SLCO1B3: variants seen among roughly 807,000 people sequenced by gnomAD.
SLCO1B3 encodes the protein solute carrier organic anion transporter family member 1B3.
In SLCO1B3, 72 loss-of-function variants were observed where a neutral mutation model predicts 71.8. That is an observed-to-expected ratio of 1.00 (90% CI 0.83 to 1.22). The LOEUF (loss-of-function observed/expected upper bound fraction) is 1.22, where lower values mean the gene tolerates loss of function less well. Among genes scored for constraint, SLCO1B3 ranks in the 50% most tolerant of loss-of-function variants. The pLI, the probability that SLCO1B3 is intolerant of heterozygous loss-of-function variation, is 0.00. For synonymous variants in SLCO1B3, 298 were observed against 278.4 expected, an observed-to-expected ratio of 1.07 and a Z score of -0.70; for missense variants, 911 against 819.7, an observed-to-expected ratio of 1.11 and a Z score of -1.36.
intron 3 of SLCO1B3, among the ~76,000 whole-genome samples, chr12:20,840,466 A>C (rs1051407988): frequency 3.4e-5 from 5 of 148,942 alleles, no homozygotes; most frequent in African/African-American, 1.3e-4. Context: ...ATCTTAGCTC[A>C]CTACAGCCTC....
chr12:20,852,131 C>T (rs1231849195), intron 3 of SLCO1B3, among the ~76,000 whole-genome samples: 1 of 152,130 alleles, frequency 6.6e-6, no homozygotes, highest in African/African-American at 2.4e-5. Context: ...TTTGGCTACG[C>T]AGGGTGCCTT....
chr12:20,824,785 A>G (rs1864386943), intron 3 of SLCO1B3, among the ~76,000 whole-genome samples: 1 of 152,138 alleles, frequency 6.6e-6, no homozygotes, highest in Non-Finnish European at 1.5e-5. Context: ...TCTCTTTTGG[A>G]CTTCCGGTGA....
intron 3 of SLCO1B3, among the ~76,000 whole-genome samples, chr12:20,821,844 G>T (rs1864317260): frequency 6.6e-6 from 1 of 152,326 alleles, no homozygotes; most frequent in South Asian, 2.1e-4. Context: ...AGGGAAGGCT[G>T]CCTTCCCAGT....
At chr12:20,914,709 A>C (rs1157745514) in intron 15 of SLCO1B3, among the ~76,000 whole-genome samples, 1 of 152,136 alleles carries the variant, frequency 6.6e-6, no homozygotes, top group Non-Finnish European at 1.5e-5. Context: ...CTGGCAAAAC[A>C]GTCCCTCAAT....
intron 9 of SLCO1B3, among the ~76,000 whole-genome samples, chr12:20,877,340 A>G (rs1865602632): frequency 6.6e-6 from 1 of 152,204 alleles, no homozygotes; most frequent in East Asian, 1.9e-4. Context: ...TATAGTCAGA[A>G]AAAAAATTAG....
chr12:20,828,500 G>A (rs1864473581), intron 3 of SLCO1B3, among the ~76,000 whole-genome samples: 1 of 152,006 alleles, frequency 6.6e-6, no homozygotes, highest in African/African-American at 2.4e-5. Context: ...GTGGAGGGTG[G>A]CAAGAAGAAG....
At chr12:20,850,134 C>T (rs1341977927) in intron 3 of SLCO1B3, among the ~76,000 whole-genome samples, 1 of 142,746 alleles carries the variant, frequency 7.0e-6, no homozygotes, top group Non-Finnish European at 1.5e-5. Context: ...GAAAAAATAA[C>T]AAAGTTGGAA....
At chr12:20,901,545 G>A in intron 15 of SLCO1B3, 78 bp downstream of exon 15, 2 of 713,762 alleles carry the variant, frequency 2.8e-6, no homozygotes, top group Non-Finnish European at 4.7e-6. Flanking sequence ...CATTTTTAGT[G>A]TGATCGTAAT....
chr12:20,899,089 G>C (rs959630969), intron 14 of SLCO1B3, among the ~76,000 whole-genome samples: 1 of 152,196 alleles, frequency 6.6e-6, no homozygotes, highest in African/African-American at 2.4e-5. Context: ...AGAAAGCTCA[G>C]AAAATTGTGG....
intron 3 of SLCO1B3, among the ~76,000 whole-genome samples, chr12:20,824,892 T>C (rs1023441928): frequency 1.3e-5 from 2 of 152,166 alleles, no homozygotes; most frequent in Admixed American, 1.3e-4. Context: ...CTTAATATGA[T>C]AATATAGGCT....
chr12:20,907,036 T>C (rs2120421832), intron 15 of SLCO1B3, among the ~76,000 whole-genome samples: 1 of 152,250 alleles, frequency 6.6e-6, no homozygotes, highest in South Asian at 2.1e-4. Flanking sequence ...GGAAAAATCT[T>C]TTTACTTACT....
At chr12:20,874,363 G>A (rs1021383908) in intron 8 of SLCO1B3, among the ~76,000 whole-genome samples, 1 of 152,066 alleles carries the variant, frequency 6.6e-6, no homozygotes, top group Non-Finnish European at 1.5e-5. Flanking sequence ...TATGTATCTG[G>A]TTTTGTACTT....
At chr12:20,851,815 T>C (rs1463209868) in intron 3 of SLCO1B3, among the ~76,000 whole-genome samples, 1 of 152,196 alleles carries the variant, frequency 6.6e-6, no homozygotes, top group Non-Finnish European at 1.5e-5. Context: ...TTAATCCCAT[T>C]TTGAGTTAGT....
chr12:20,900,475 T>C (rs943823040), intron 14 of SLCO1B3, among the ~76,000 whole-genome samples: 6 of 152,164 alleles, frequency 3.9e-5, no homozygotes, highest in African/African-American at 1.2e-4. Flanking sequence ...TTCTTAAAAC[T>C]AGGAGTTAAT....
intron 8 of SLCO1B3, among the ~76,000 whole-genome samples, chr12:20,866,805 A>G (rs543702088): frequency 6.6e-6 from 1 of 152,180 alleles, no homozygotes; most frequent in South Asian, 2.1e-4. Context: ...AGGAAGGGAT[A>G]GGCTAACGCT....
intron 6 of SLCO1B3, among the ~76,000 whole-genome samples, chr12:20,861,471 C>G (rs573037618): frequency 1.3e-4 from 19 of 146,170 alleles, no homozygotes; most frequent in African/African-American, 4.7e-4. Context: ...TATGAGTTGT[C>G]CTAGAACAAA....
chr12:20,893,450 A>G (rs901547111), intron 13 of SLCO1B3, among the ~76,000 whole-genome samples: 2 of 152,294 alleles, frequency 1.3e-5, no homozygotes, highest in South Asian at 4.1e-4. Flanking sequence ...AGGGTGGTGC[A>G]CTTCTTCTTG....
Position 20,861,972 on chromosome 12 carries a change from G to A in SLCO1B3, c.482-440G>A, listed in dbSNP as rs117177355. Reference sequence around the variant, plus strand: ...AAAATATTTTGTAACGACAAAAGAAGAGATTGTTTAACCAAATTAGGAAAC... The same window carrying A: ...AAAATATTTTGTAACGACAAAAGAAAAGATTGTTTAACCAAATTAGGAAAC... On this transcript the variant is annotated intron_variant, in intron 6 of 15. Transcript: ENST00000381545. Among the ~76,000 whole-genome samples the A allele has an allele frequency of 4.3e-3, 647 of 152,048 alleles. 1 individual carries two copies. The highest frequency in any genetic ancestry group is 6.9e-3 in the Non-Finnish European group (472 of 67,936).
chr12:20,869,280 G>T (rs1448753532), intron 8 of SLCO1B3, among the ~76,000 whole-genome samples: 1 of 152,174 alleles, frequency 6.6e-6, no homozygotes, highest in East Asian at 1.9e-4. Context: ...AGCCCTTCTG[G>T]TGGCCCTGTG....
Sources: allele counts gnomAD v4.1 joint callset (sites outside exome capture counted in the v4.1 genomes callset), GRCh38; gene constraint gnomAD v4.1.1; transcripts MANE v1.5; gene names NCBI Gene and HGNC (gene_info 2026-07-23, HGNC 2026-07-21).